Variants in NELL1 observed in about 807,000 individuals in gnomAD.
NELL1 encodes protein kinase C-binding protein NELL1.
Under a neutral mutation model 107.4 loss-of-function variants are expected in NELL1, and 76 were observed. The observed-to-expected ratio is 0.71, with a 90% CI of 0.59 to 0.86. The LOEUF is 0.86. Ranked by LOEUF, NELL1 falls within the 40% of genes least tolerant of loss-of-function variation. NELL1 has a pLI of 0.00. For missense variants in NELL1, 1,024 were observed against 1,005.5 expected, an observed-to-expected ratio of 1.02 and a Z score of -0.25; for synonymous variants, 353 against 341.2, an observed-to-expected ratio of 1.03 and a Z score of -0.38.
intron 5 of NELL1, among the ~76,000 whole-genome samples, chr11:20,914,666 G>T (rs887499706): frequency 2.6e-5 from 4 of 152,082 alleles, no homozygotes; most frequent in African/African-American, 9.7e-5. Context: ...TTGGCGGAGA[G>T]AAGGGGGTTC....
chr11:21,116,947 G>C (rs1855250837), intron 13 of NELL1, among the ~76,000 whole-genome samples: 1 of 151,872 alleles, frequency 6.6e-6, no homozygotes, highest in African/African-American at 2.4e-5. Context: ...TCAAATCCCT[G>C]TTTCTTATTT....
At chr11:21,554,659 A>G (rs990770071) in intron 16 of NELL1, among the ~76,000 whole-genome samples, 1 of 151,898 alleles carries the variant, frequency 6.6e-6, no homozygotes, top group Non-Finnish European at 1.5e-5. Context: ...ATTTTTGAGC[A>G]ATTATTACAT....
chr11:20,829,478 G>A (rs1422200973), intron 3 of NELL1, among the ~76,000 whole-genome samples: 2 of 151,506 alleles, frequency 1.3e-5, no homozygotes, highest in South Asian at 2.1e-4. Context: ...CACCTGCCTC[G>A]GCCTCTCAAA....
chr11:21,293,647 C>G (rs886423043), intron 14 of NELL1, among the ~76,000 whole-genome samples: 3 of 152,150 alleles, frequency 2.0e-5, no homozygotes, highest in African/African-American at 7.2e-5. Context: ...TTTATTGCAG[C>G]ACTGTCCACA....
Position 21,091,288 on chromosome 11 carries a change from C to T in NELL1, c.1301-22301C>T, listed in dbSNP as rs1233717619. 2.6e-5 allele frequency among the ~76,000 whole-genome samples: 4 copies of T among 152,130 alleles called. No individual in the cohort carries two copies. In the East Asian group the frequency reaches 7.7e-4, roughly 29 times the overall value. On this transcript the variant is annotated intron_variant, in intron 12 of 19. Coordinates refer to ENST00000357134, the MANE Select transcript of NELL1 (RefSeq NM_006157.5). Reference sequence around the variant, plus strand: ...CATTTTTTGAGCATTATAAAGAATGCCTTGAGGAATTTCCAGCTAGTTAAA... The same window carrying T: ...CATTTTTTGAGCATTATAAAGAATGTCTTGAGGAATTTCCAGCTAGTTAAA...
At chr11:21,377,090 G>T (rs1334315318) in intron 15 of NELL1, among the ~76,000 whole-genome samples, 4 of 152,036 alleles carry the variant, frequency 2.6e-5, no homozygotes, top group African/African-American at 7.2e-5. Flanking sequence ...TGTTGAATAG[G>T]AGTGGTGAGA....
At chr11:20,960,635 A>G in intron 12 of NELL1, 75 bp downstream of exon 12, 1 of 1,523,504 alleles carries the variant, frequency 6.6e-7, no homozygotes, top group Middle Eastern at 1.7e-4. Flanking sequence ...GTGGTTAAAG[A>G]GTGAAAACTA....
chr11:21,418,441 T>C (rs958048784), intron 15 of NELL1, among the ~76,000 whole-genome samples: 5 of 152,066 alleles, frequency 3.3e-5, no homozygotes, highest in African/African-American at 4.8e-5. Flanking sequence ...ACTGTAACAA[T>C]TGAGGGATTA....
At chr11:21,049,316 C>T (rs1285593542) in intron 12 of NELL1, among the ~76,000 whole-genome samples, 1 of 152,172 alleles carries the variant, frequency 6.6e-6, no homozygotes, top group Non-Finnish European at 1.5e-5. Flanking sequence ...GGGAGCTAGG[C>T]CATAAAGCCC....
At chr11:21,047,928 C>T (rs532427796) in intron 12 of NELL1, among the ~76,000 whole-genome samples, 1 of 152,290 alleles carries the variant, frequency 6.6e-6, no homozygotes, top group South Asian at 2.1e-4. Context: ...GTAACCAGCG[C>T]ATCACGTAGA....
chr11:20,992,008 A>G (rs1246078456), intron 12 of NELL1, among the ~76,000 whole-genome samples: 1 of 152,002 alleles, frequency 6.6e-6, no homozygotes, highest in Non-Finnish European at 1.5e-5. Context: ...AAAAAAAAAA[A>G]AAAGTTGAAA....
At position 21,373,674 on chromosome 11, in the gene NELL1, A is replaced by G. The variant is rs1851404781; in HGVS notation, c.1645+2726A>G. Among the ~76,000 whole-genome samples, 4 of 152,268 alleles carry G rather than the reference A, an allele frequency of 2.6e-5. No homozygotes were observed. The South Asian group carries it at 8.3e-4, about 32-fold the overall frequency. On this transcript the variant is annotated intron_variant, in intron 15 of 19. Transcript: ENST00000357134. ...ATCCCACTTGTGTTTGGTATGTAAC[A>G]CACAGATGAACAACTCTGCATTTAC...
chr11:21,208,894 C>G (rs1466461681), intron 13 of NELL1, among the ~76,000 whole-genome samples: 1 of 152,146 alleles, frequency 6.6e-6, no homozygotes, highest in Non-Finnish European at 1.5e-5. Flanking sequence ...ACTCAGATCT[C>G]CAATACTAAA....
intron 15 of NELL1, among the ~76,000 whole-genome samples, chr11:21,410,930 C>G (rs990290886): frequency 1.3e-5 from 2 of 151,988 alleles, no homozygotes; most frequent in Non-Finnish European, 2.9e-5. Context: ...TCCCCCACCC[C>G]CAACAGATGG....
intron 18 of NELL1, among the ~76,000 whole-genome samples, chr11:21,572,943 G>C (rs946779266): frequency 6.6e-6 from 1 of 151,782 alleles, no homozygotes; most frequent in Non-Finnish European, 1.5e-5. Flanking sequence ...GCTGTGCTTG[G>C]CACACAAAGA....
At chr11:20,911,391 T>C (rs1206677150) in intron 5 of NELL1, among the ~76,000 whole-genome samples, 1 of 152,068 alleles carries the variant, frequency 6.6e-6, no homozygotes, top group African/African-American at 2.4e-5. Flanking sequence ...GGTCAGGCAA[T>C]TGGACTCAGA....
At chr11:21,374,891 G>C (rs200346905) in intron 15 of NELL1, among the ~76,000 whole-genome samples, 85 of 25,348 alleles carry the variant, frequency 3.4e-3, no homozygotes, top group African/African-American at 6.0e-3. Flanking sequence ...GTGTGTCTGT[G>C]TGTGTGTGTG....
intron 12 of NELL1, among the ~76,000 whole-genome samples, chr11:20,994,326 G>A (rs1393335416): frequency 9.9e-5 from 15 of 152,188 alleles, no homozygotes; most frequent in Admixed American, 9.2e-4. Context: ...AGTCAAAGCT[G>A]CGGTAAAAGA....
Position 21,575,456 on chromosome 11 carries a change from C to A in NELL1, c.*434C>A, listed in dbSNP as rs1857198082. On this transcript the variant is annotated 3_prime_UTR_variant, in exon 20 of 20. Transcript: ENST00000357134. ...TCTAAAATAAAGTTGCCTGTTGTGA[C>A]TTTTGTCCCATCTACTGCATACTTA... is the stretch of plus-strand genomic sequence containing the variant. 1 of 170,082 alleles carries A rather than the reference C, an allele frequency of 5.9e-6. No homozygotes were observed. Among genetic ancestry groups the A allele is most frequent in the Admixed American group, 5.8e-5 (1 of 17,250 alleles). 10.5% of individuals were successfully genotyped at this position (170,082 alleles called of 1,614,324 possible).
Sources: allele counts gnomAD v4.1 joint callset (sites outside exome capture counted in the v4.1 genomes callset), GRCh38; gene constraint gnomAD v4.1.1; transcripts MANE v1.5; gene names NCBI Gene and HGNC (gene_info 2026-07-23, HGNC 2026-07-21).